TTC3: variants seen among roughly 807,000 people sequenced by gnomAD.
The protein encoded by TTC3 is E3 ubiquitin-protein ligase TTC3.
TTC3 carries 180 observed loss-of-function variants against 249.6 expected under a neutral mutation model. The observed-to-expected ratio is 0.72, with a 90% CI of 0.64 to 0.82. The LOEUF (loss-of-function observed/expected upper bound fraction) is 0.82, where lower values mean the gene tolerates loss of function less well. Among genes scored for constraint, TTC3 ranks in the 40% least tolerant of loss-of-function variants. The pLI is 0.00. For synonymous variants in TTC3, 717 were observed against 805.0 expected, an observed-to-expected ratio of 0.89 and a Z score of 1.85; for missense variants, 2,061 against 2,398.4, an observed-to-expected ratio of 0.86 and a Z score of 2.94.
At chr21:37,103,724 CTG>C (rs897800073) in intron 10 of TTC3, among the ~76,000 whole-genome samples, 8 of 152,150 alleles carry the variant, frequency 5.3e-5, no homozygotes, top group African/African-American at 1.9e-4. Flanking sequence ...AAAACAGCCT[CTG>C]TGTTTCAGAC....
At chr21:37,164,451 G>C (rs1444589782) in intron 32 of TTC3, among the ~76,000 whole-genome samples, 1 of 151,506 alleles carries the variant, frequency 6.6e-6, no homozygotes, top group Non-Finnish European at 1.5e-5. Flanking sequence ...TGATTGTCAT[G>C]CGTCAGCCTC....
chr21:37,188,546 A>G (rs1484035067), exon 39 of TTC3: 6 of 1,613,994 alleles, frequency 3.7e-6, no homozygotes, highest in South Asian at 1.1e-5. Flanking sequence ...GCTACAGATC[A>G]TGGAGTCACA....
intron 35 of TTC3, among the ~76,000 whole-genome samples, chr21:37,173,429 A>G (rs2081979526): frequency 6.6e-6 from 1 of 152,202 alleles, no homozygotes; most frequent in Admixed American, 6.5e-5. Context: ...GAATTCTGTT[A>G]GTCAAGACTG....
At chr21:37,098,235 T>C in intron 10 of TTC3, 1 of 267,140 alleles carries the variant, frequency 3.7e-6, no homozygotes, top group Non-Finnish European at 7.0e-6. Context: ...GCTTTCAAGA[T>C]CAGATGAATA....
intron 38 of TTC3, chr21:37,188,241 A>G (rs1387775250): frequency 1.2e-5 from 4 of 342,652 alleles, no homozygotes; most frequent in African/African-American, 2.1e-5. Flanking sequence ...TAGCTTAAGC[A>G]GAAAGCCATG....
At chr21:37,108,578 T>A in intron 11 of TTC3, 132 bp downstream of exon 11, 1 of 842,668 alleles carries the variant, frequency 1.2e-6, no homozygotes, top group Non-Finnish European at 1.8e-6. Context: ...GAAAGGGGAG[T>A]CATCAGATCC....
intron 21 of TTC3, among the ~76,000 whole-genome samples, chr21:37,146,266 C>T (rs1357975629): frequency 2.0e-5 from 3 of 151,926 alleles, no homozygotes; most frequent in Non-Finnish European, 2.9e-5. Context: ...TGGTGGCTTA[C>T]GCCTGTAATC....
chr21:37,113,733 A>G (rs1039202191), intron 11 of TTC3, among the ~76,000 whole-genome samples: 3 of 152,362 alleles, frequency 2.0e-5, no homozygotes, highest in African/African-American at 7.2e-5. Flanking sequence ...TACCAAGTCA[A>G]TCCTAAGCCA....
intron 13 of TTC3, 29 bp downstream of exon 13, chr21:37,123,057 A>G (rs762840042): frequency 3.7e-6 from 6 of 1,609,134 alleles, no homozygotes; most frequent in Non-Finnish European, 5.1e-6. Flanking sequence ...AGTAGCTGCT[A>G]CTACTAGGAA....
At chr21:37,180,760 TA>T (rs35337236) in intron 35 of TTC3, among the ~76,000 whole-genome samples, 80,352 of 144,838 alleles carry the variant, frequency 0.55, 22,191 homozygotes, top group African/African-American at 0.65. Flanking sequence ...TAAAGTATAA[TA>T]AAAAAAAATG....
chr21:37,148,504 A>T, intron 22 of TTC3, 42 bp from the exon 23 acceptor site: 1 of 1,104,998 alleles, frequency 9.0e-7, no homozygotes, highest in Non-Finnish European at 1.3e-6. Flanking sequence ...GTGTGCAGAG[A>T]CATCTTTAAA....
chr21:37,131,198 G>A (rs1426867055), intron 16 of TTC3, among the ~76,000 whole-genome samples: 1 of 152,094 alleles, frequency 6.6e-6, no homozygotes, highest in Non-Finnish European at 1.5e-5. Context: ...TCAAGGTAGT[G>A]CCTCAGATAG....
exon 22 of TTC3, chr21:37,147,528 A>C: frequency 1.9e-6 from 3 of 1,610,744 alleles, no homozygotes; most frequent in Non-Finnish European, 2.5e-6. Context: ...CTCCAGTGCC[A>C]GATGCCATTT....
chr21:37,098,120 T>C, intron 10 of TTC3: 1 of 500,640 alleles, frequency 2.0e-6, no homozygotes, highest in East Asian at 3.3e-5. Flanking sequence ...ACCACTGTCC[T>C]CAACGGGTTC....
intron 41 of TTC3, 68 bp downstream of exon 41, chr21:37,192,281 T>A (rs1247027434): frequency 9.5e-7 from 1 of 1,051,356 alleles, no homozygotes. Flanking sequence ...AAAGTAGTTA[T>A]TTGTTGTTGT....
chr21:37,177,855 T>C lies in TTC3; in HGVS notation c.4618-4919T>C, dbSNP rs528544042. Among the ~76,000 whole-genome samples the C allele has an allele frequency of 1.1e-4, 16 of 152,356 alleles. No homozygotes were observed. In the South Asian group the frequency reaches 3.3e-3, roughly 32 times the overall value. On this transcript the variant is annotated intron_variant, in intron 35 of 45. Coordinates refer to ENST00000355666, the Ensembl canonical transcript of TTC3. ...TTAACCATAGCATAACATTTACCTA[T>C]TAAAAATAGACAACTTAATGGTTTT...
chr21:37,079,283 GTTAGAGAATAGTTCCTCTT>G (rs947554348), intron 1 of TTC3, among the ~76,000 whole-genome samples: 2 of 152,076 alleles, frequency 1.3e-5, no homozygotes, highest in African/African-American at 4.8e-5. Flanking sequence ...TATACCATGA[GTTAGAGAATAGTTCCTCTT>G]TTTCTGTTCC....
chr21:37,176,931 G>A (rs1433599340), intron 35 of TTC3, among the ~76,000 whole-genome samples: 2 of 152,154 alleles, frequency 1.3e-5, no homozygotes, highest in African/African-American at 4.8e-5. Context: ...CAGCAGTGTA[G>A]GCATATCAGT....
intron 16 of TTC3, among the ~76,000 whole-genome samples, chr21:37,130,787 C>T (rs896508500): frequency 8.6e-6 from 1 of 115,890 alleles, no homozygotes; most frequent in Admixed American, 9.3e-5. Context: ...CTATCCATCT[C>T]TCTCTTTTTC....
Sources: gnomAD v4.1 joint callset for allele counts (sites outside exome capture counted in the v4.1 genomes callset) on GRCh38, gnomAD v4.1.1 for gene constraint, MANE v1.5 for transcripts, NCBI Gene and HGNC (gene_info 2026-07-23, HGNC 2026-07-21) for gene names.